MB21D2: variants seen among roughly 807,000 people sequenced by gnomAD.
MB21D2 encodes Mab-21 domain containing 2.
Under a neutral mutation model 33.3 loss-of-function variants are expected in MB21D2, and 9 were observed. The observed-to-expected ratio is 0.27, with a 90% CI of 0.16 to 0.47. The LOEUF (loss-of-function observed/expected upper bound fraction) is 0.47, where lower values mean the gene tolerates loss of function less well. Ranked by LOEUF, MB21D2 falls within the 20% of genes least tolerant of loss-of-function variation. MB21D2 has a pLI of 0.99. For synonymous variants in MB21D2, 241 were observed against 236.3 expected (o/e 1.02, Z -0.18); for missense variants, 540 against 624.6 (o/e 0.86, Z 1.44).
intron 1 of MB21D2, among the ~76,000 whole-genome samples, chr3:192,900,813 C>T (rs915030130): frequency 6.6e-5 from 10 of 151,990 alleles, no homozygotes; most frequent in African/African-American, 1.2e-4. Flanking sequence ...TGGCGGCGCC[C>T]GCCTGTAGTC....
intron 1 of MB21D2, among the ~76,000 whole-genome samples, chr3:192,877,025 T>C (rs1276207321): frequency 2.6e-5 from 4 of 152,086 alleles, no homozygotes; most frequent in African/African-American, 9.7e-5. Flanking sequence ...GAGTAATTAA[T>C]ACAGGCTTAT....
chr3:192,799,078 T>C lies in MB21D2; in HGVS notation c.784A>G (p.Ile262Val). 1.9e-6 allele frequency: 3 copies of C among 1,614,102 alleles called. No homozygotes were observed. Among genetic ancestry groups the C allele is most frequent in the Non-Finnish European group, 1.7e-6 (2 of 1,179,996 alleles). ...LMENHFWDGK[I>V]TEEEVISGFY... ...CCACTGATGACCTCTTCCTCAGTAATCTTCCCATCCCAAAAGTGGTTCTCC... is the reference window on the plus strand; with the variant it reads ...CCACTGATGACCTCTTCCTCAGTAACCTTCCCATCCCAAAAGTGGTTCTCC... The change falls in exon 2 of 2, where the codon ATT becomes GTT. Residue 262 changes from isoleucine (I) to valine (V), a missense_variant. Physicochemically the swap from Ile to Val is conservative, Grantham distance 29. Transcript: ENST00000392452. The surrounding 1 kb of genome is among the most constrained non-coding windows in gnomAD (Gnocchi z 4.1).
intron 1 of MB21D2, among the ~76,000 whole-genome samples, chr3:192,878,531 G>A (rs1212528407): frequency 6.6e-6 from 1 of 152,128 alleles, no homozygotes; most frequent in Non-Finnish European, 1.5e-5. Flanking sequence ...CTTTTTTATA[G>A]CCCTAAAAAA....
At chr3:192,845,922 T>TA (rs898580981) in intron 1 of MB21D2, among the ~76,000 whole-genome samples, 1 of 148,618 alleles carries the variant, frequency 6.7e-6, no homozygotes, top group Non-Finnish European at 1.5e-5. Context: ...CTACAAAAAA[T>TA]AAAAAATAAC....
At chr3:192,876,638 G>C (rs1402721283) in intron 1 of MB21D2, among the ~76,000 whole-genome samples, 1 of 152,168 alleles carries the variant, frequency 6.6e-6, no homozygotes, top group Non-Finnish European at 1.5e-5. Context: ...GATGCTTTAT[G>C]ATCTAGCCCC....
At chr3:192,884,562 T>C (rs1269408552) in intron 1 of MB21D2, among the ~76,000 whole-genome samples, 2 of 151,762 alleles carry the variant, frequency 1.3e-5, no homozygotes, top group South Asian at 4.2e-4. Flanking sequence ...AGAGACGGGG[T>C]TTCACCGTGT....
intron 1 of MB21D2, among the ~76,000 whole-genome samples, chr3:192,911,684 G>T (rs1714357858): frequency 8.7e-6 from 1 of 115,528 alleles, no homozygotes; most frequent in African/African-American, 2.5e-5. Context: ...GCATGACAAG[G>T]AATGACAGGA....
intron 1 of MB21D2, among the ~76,000 whole-genome samples, chr3:192,804,365 G>A (rs1711616975): frequency 6.6e-6 from 1 of 151,874 alleles, no homozygotes; most frequent in African/African-American, 2.4e-5. Context: ...AACTCAGAGA[G>A]TTCAAGAAAT....
chr3:192,850,064 G>A (rs774806939), intron 1 of MB21D2, among the ~76,000 whole-genome samples: 4 of 151,876 alleles, frequency 2.6e-5, no homozygotes, highest in Admixed American at 1.3e-4. Context: ...GACTACTGGC[G>A]CGTGCCACCA....
At chr3:192,852,162 T>C (rs570258759) in intron 1 of MB21D2, among the ~76,000 whole-genome samples, 3 of 152,308 alleles carry the variant, frequency 2.0e-5, no homozygotes, top group African/African-American at 7.2e-5. Flanking sequence ...AGAGAAAATA[T>C]GGGGCGAGAT....
intron 1 of MB21D2, among the ~76,000 whole-genome samples, chr3:192,896,029 C>T (rs1677218159): frequency 6.6e-6 from 1 of 152,144 alleles, no homozygotes; most frequent in South Asian, 2.1e-4. Context: ...AAGGATTTTC[C>T]ACAAAAACGT....
chr3:192,829,371 C>T (rs1017758297), intron 1 of MB21D2, among the ~76,000 whole-genome samples: 2 of 152,174 alleles, frequency 1.3e-5, no homozygotes, highest in African/African-American at 4.8e-5. Context: ...TTCCATTTCT[C>T]TCAGACGAAT....
intron 1 of MB21D2, among the ~76,000 whole-genome samples, chr3:192,885,450 T>C (rs554223213): frequency 6.6e-5 from 10 of 152,046 alleles, no homozygotes; most frequent in Non-Finnish European, 1.5e-4. Context: ...TCACACCCTC[T>C]AGGCAAGGAT....
In MB21D2 at chr3:192,916,744, G is replaced by A. The variant is rs538477793; in HGVS notation, c.211+886C>T. ...TGGCTCAATTATGTTCCTTTACACA[G>A]CATTCAATCATGTTTCAGGAGCCGT... On this transcript the variant is annotated intron_variant, in intron 1 of 1. Coordinates refer to ENST00000392452, the MANE Select transcript of MB21D2 (RefSeq NM_178496.4). Among the ~76,000 whole-genome samples, 23 of 152,330 alleles carry A rather than the reference G, an allele frequency of 1.5e-4. No homozygotes were observed. In the South Asian group the frequency reaches 4.8e-3, roughly 32 times the overall value.
At chr3:192,859,393 C>T (rs186672546) in intron 1 of MB21D2, among the ~76,000 whole-genome samples, 6 of 152,274 alleles carry the variant, frequency 3.9e-5, no homozygotes, top group African/African-American at 1.4e-4. Flanking sequence ...AAATAGATCT[C>T]AGACAGTGCC....
chr3:192,839,304 A>G (rs1712518479), intron 1 of MB21D2, among the ~76,000 whole-genome samples: 1 of 152,204 alleles, frequency 6.6e-6, no homozygotes, highest in Non-Finnish European at 1.5e-5. Context: ...CCTTCCTTCT[A>G]GGAGCAAAAC....
chr3:192,837,863 A>C (rs1712473310), intron 1 of MB21D2, among the ~76,000 whole-genome samples: 1 of 152,226 alleles, frequency 6.6e-6, no homozygotes, highest in Admixed American at 6.5e-5. Context: ...AGTTCATATC[A>C]AGTCAGTATC....
chr3:192,843,244 C>T (rs921623595), intron 1 of MB21D2, among the ~76,000 whole-genome samples: 3 of 152,146 alleles, frequency 2.0e-5, no homozygotes, highest in Non-Finnish European at 4.4e-5. Flanking sequence ...CTAAAGGATC[C>T]TCTGTCACTA....
At chr3:192,830,656 T>A (rs998887051) in intron 1 of MB21D2, among the ~76,000 whole-genome samples, 5 of 152,204 alleles carry the variant, frequency 3.3e-5, no homozygotes, top group African/African-American at 9.7e-5. Flanking sequence ...GGAGTTTTGG[T>A]TGCAGTGCAA....
Sources: allele counts gnomAD v4.1 joint callset (sites outside exome capture counted in the v4.1 genomes callset), GRCh38; gene constraint gnomAD v4.1.1; non-coding constraint Gnocchi (gnomAD v3.1); transcripts MANE v1.5; gene names NCBI Gene and HGNC (gene_info 2026-07-23, HGNC 2026-07-21).